NTS: variants seen among roughly 807,000 people sequenced by gnomAD.
NTS encodes neurotensin.
Under a neutral mutation model 19.5 loss-of-function variants are expected in NTS, and 20 were observed. That is an observed-to-expected ratio of 1.02 (90% CI 0.72 to 1.49). NTS has a LOEUF of 1.49. Among genes scored for constraint, NTS ranks in the 40% most tolerant of loss-of-function variants. The pLI is 0.00. For missense variants in NTS, 215 were observed against 193.1 expected, an observed-to-expected ratio of 1.11 and a Z score of -0.67; for synonymous variants, 71 against 63.3, an observed-to-expected ratio of 1.12 and a Z score of -0.58.
chr12:85,878,676 G>A, intron 3 of NTS, 107 bp downstream of exon 3: 1 of 622,160 alleles, frequency 1.6e-6, no homozygotes. Context: ...AGAGTTACAA[G>A]TATTGAAGAA....
chr12:85,878,098 TTGCTC>T (rs1304931391), intron 2 of NTS: 2 of 292,756 alleles, frequency 6.8e-6, no homozygotes, highest in Non-Finnish European at 1.3e-5. Flanking sequence ...CTTTCTTACT[TTGCTC>T]TGTGTGTACA....
chr12:85,878,150 A>G (rs1219256512), intron 2 of NTS, 195 bp from the exon 3 acceptor site: 1 of 467,238 alleles, frequency 2.1e-6, no homozygotes, highest in Non-Finnish European at 3.8e-6. Context: ...TAACTATTGC[A>G]TTTTATTAAA....
chr12:85,877,382 C>T (rs779348755), intron 2 of NTS, among the ~76,000 whole-genome samples: 5 of 149,724 alleles, frequency 3.3e-5, no homozygotes, highest in Non-Finnish European at 7.4e-5. Context: ...CTATAACAAA[C>T]ATGTTATTTT....
At chr12:85,876,350 G>A (rs1592548769) in intron 1 of NTS, among the ~76,000 whole-genome samples, 2 of 151,874 alleles carry the variant, frequency 1.3e-5, no homozygotes, top group South Asian at 4.2e-4. Flanking sequence ...GTTATACAAT[G>A]TAATCACATT....
chr12:85,878,924 CAA>C (rs1430350594), intron 3 of NTS, among the ~76,000 whole-genome samples: 4 of 151,488 alleles, frequency 2.6e-5, no homozygotes, highest in Non-Finnish European at 5.9e-5. Flanking sequence ...CTTAGAAACA[CAA>C]AGTCATATGT....
intron 3 of NTS, among the ~76,000 whole-genome samples, chr12:85,880,648 G>T (rs1420306844): frequency 2.6e-5 from 4 of 152,158 alleles, no homozygotes; most frequent in Non-Finnish European, 4.4e-5. Context: ...CTGGTAAATT[G>T]TTTAGTATTT....
intron 1 of NTS, among the ~76,000 whole-genome samples, chr12:85,876,128 G>C (rs1359979139): frequency 6.6e-6 from 1 of 151,690 alleles, no homozygotes; most frequent in Non-Finnish European, 1.5e-5. Context: ...TTCAACGTGT[G>C]TTTTGTAAAA....
chr12:85,874,346 G>T lies in NTS; in HGVS notation c.-58G>T. 8.2e-7 allele frequency: 1 copy of T among 1,215,010 alleles called. No homozygotes were observed. The highest frequency in any genetic ancestry group is 1.2e-5 in the South Asian group (1 of 82,998). 75.3% of individuals were successfully genotyped at this position (1,215,010 alleles called of 1,614,324 possible). A position where few individuals can be genotyped will look rare whatever the true frequency, so the allele number is the denominator to read the frequency against. On this transcript the variant is annotated 5_prime_UTR_variant, in exon 1 of 4. Coordinates refer to ENST00000256010, the MANE Select transcript of NTS (RefSeq NM_006183.5). ...TGAAGGAAAGAGGAAGTGCTAGAGA[G>T]AGCCCCCTTCAGTGTGCTTCTGACT...
chr12:85,875,167 T>G (rs926409803), intron 1 of NTS, among the ~76,000 whole-genome samples: 4 of 152,176 alleles, frequency 2.6e-5, no homozygotes, highest in Admixed American at 6.5e-5. Context: ...GGAAATTATT[T>G]GACTTTAGAG....
rs1881353420 is a variant in NTS, at chr12:85,876,684, A to G, written c.118A>G (p.Asn40Asp). The change falls in exon 2 of 4, where the codon AAT (asparagine) becomes GAT (aspartate). Residue 40 changes from asparagine to aspartate, a missense_variant. Coordinates refer to ENST00000256010, the MANE Select transcript of NTS (RefSeq NM_006183.5). Reference sequence around the variant, plus strand: ...AGCATTAGAAGCAGATTTCTTGACCAATATGCATACATCAAAGGTAACTTT... The same window carrying G: ...AGCATTAGAAGCAGATTTCTTGACCGATATGCATACATCAAAGGTAACTTT... ...MKALEADFLT[N>D]MHTSKISKAH... is the part of the protein sequence containing the mutation. 1.3e-6 allele frequency: 2 copies of G among 1,582,846 alleles called. No homozygotes were observed.
intron 2 of NTS, among the ~76,000 whole-genome samples, chr12:85,877,697 T>A (rs948229004): frequency 6.6e-6 from 1 of 152,104 alleles, no homozygotes; most frequent in Non-Finnish European, 1.5e-5. Context: ...TGTGCCCATG[T>A]GTTCTCATTG....
At chr12:85,881,900 A>T (rs1307109018) in intron 3 of NTS, among the ~76,000 whole-genome samples, 3 of 152,106 alleles carry the variant, frequency 2.0e-5, no homozygotes, top group Admixed American at 2.0e-4. Flanking sequence ...GGTCTATTTG[A>T]TGCTTTTCTT....
intron 3 of NTS, among the ~76,000 whole-genome samples, chr12:85,880,996 A>G (rs1348035578): frequency 6.6e-6 from 1 of 152,126 alleles, no homozygotes; most frequent in Non-Finnish European, 1.5e-5. Flanking sequence ...CTTGAAAAAT[A>G]CATATTTTGA....
chr12:85,881,069 C>T (rs1881491549), intron 3 of NTS, among the ~76,000 whole-genome samples: 1 of 152,068 alleles, frequency 6.6e-6, no homozygotes, highest in Non-Finnish European at 1.5e-5. Context: ...ATTATGTAGA[C>T]CAATCAAGTG....
chr12:85,878,762 T>C (rs776001171), intron 3 of NTS, among the ~76,000 whole-genome samples, 193 bp downstream of exon 3: 113 of 152,164 alleles, frequency 7.4e-4, no homozygotes, highest in Non-Finnish European at 1.1e-3. Flanking sequence ...CTCAGCAAAA[T>C]ATGTTTTTCT....
chr12:85,874,377 G>T lies in NTS; in HGVS notation c.-27G>T. 1.3e-6 allele frequency: 2 copies of T among 1,583,464 alleles called. No homozygotes were observed. The highest frequency in any genetic ancestry group is 1.1e-5 in the South Asian group (1 of 90,420). On this transcript the variant is annotated 5_prime_UTR_variant, in exon 1 of 4. Transcript: ENST00000256010. ...CCTTCAGTGTGCTTCTGACTTTTACGGACTTGGCTTGTTAGAAGGCTGAAA... is the reference window on the plus strand; with the variant it reads ...CCTTCAGTGTGCTTCTGACTTTTACTGACTTGGCTTGTTAGAAGGCTGAAA...
Position 85,882,582 on chromosome 12 carries a change from T to C in NTS, c.*207T>C. On this transcript the variant is annotated 3_prime_UTR_variant, in exon 4 of 4. Transcript: ENST00000256010. ...CTTCAGCATGATGTGTTGTGTATAATTGGAGTAGATATTAATTAAGTCACC... is the reference window on the plus strand; with the variant it reads ...CTTCAGCATGATGTGTTGTGTATAACTGGAGTAGATATTAATTAAGTCACC... 2 of 437,200 alleles carry C rather than the reference T, an allele frequency of 4.6e-6. No homozygotes were observed. The highest frequency in any genetic ancestry group is 8.0e-6 in the Non-Finnish European group (2 of 249,138). 27.1% of individuals were successfully genotyped at this position (437,200 alleles called of 1,614,324 possible).
chr12:85,876,597 T>C (rs1881350303), intron 1 of NTS, 43 bp from the exon 2 acceptor site: 1 of 1,129,206 alleles, frequency 8.9e-7, no homozygotes. Flanking sequence ...GATATAATTA[T>C]ATGATATGTA....
rs1314159694 is a variant in NTS at position 85,879,288 on chromosome 12, A to AT, written c.360+723dup. On this transcript the variant is annotated intron_variant, in intron 3 of 3. Coordinates refer to ENST00000256010, the MANE Select transcript of NTS (RefSeq NM_006183.5). ...TGTATATTTTATGTATATACCATAT[A>AT]TTTTATGTATATTTTATGTATATAA... Among the ~76,000 whole-genome samples the AT allele has an allele frequency of 5.7e-4, 40 of 70,042 alleles. 19 individuals are homozygous for AT. Among genetic ancestry groups the AT allele is most frequent in the Admixed American group, 1.7e-3 (10 of 5,836 alleles). 46.0% of individuals were successfully genotyped at this position (70,042 alleles called of 152,430 possible).
Sources: allele counts gnomAD v4.1 joint callset (sites outside exome capture counted in the v4.1 genomes callset), GRCh38; gene constraint gnomAD v4.1.1; transcripts MANE v1.5; gene names NCBI Gene and HGNC (gene_info 2026-07-23, HGNC 2026-07-21).